Variants in TTC39C observed in about 807,000 individuals in gnomAD.
TTC39C encodes tetratricopeptide repeat protein 39C.
Under a neutral mutation model 76.3 loss-of-function variants are expected in TTC39C, and 33 were observed. The observed-to-expected ratio is 0.43, with a 90% CI of 0.33 to 0.58. TTC39C has a LOEUF of 0.58. Among genes scored for constraint, TTC39C ranks in the 20% least tolerant of loss-of-function variants. TTC39C has a pLI of 0.04. For missense variants in TTC39C, 595 were observed against 701.4 expected, an observed-to-expected ratio of 0.85 and a Z score of 1.71; for synonymous variants, 254 against 260.6, an observed-to-expected ratio of 0.97 and a Z score of 0.24.
intron 1 of TTC39C, among the ~76,000 whole-genome samples, chr18:23,994,053 C>T (rs2083240398): frequency 6.6e-6 from 1 of 151,974 alleles, no homozygotes; most frequent in Non-Finnish European, 1.5e-5. Context: ...AACTGTTATG[C>T]ACATGAATCT....
intron 4 of TTC39C, among the ~76,000 whole-genome samples, chr18:24,073,502 C>T (rs925637288): frequency 2.6e-5 from 4 of 151,396 alleles, no homozygotes; most frequent in East Asian, 1.9e-4. Context: ...CTCCTTTGTA[C>T]AGCATTCCCT....
intron 1 of TTC39C, chr18:24,022,527 T>C (rs566528712): frequency 1.0e-6 from 1 of 983,578 alleles, no homozygotes; most frequent in African/African-American, 1.7e-5. Flanking sequence ...ATGTGCTATC[T>C]ACCTCTCTTA....
intron 6 of TTC39C, among the ~76,000 whole-genome samples, chr18:24,094,672 C>T (rs1181493262): frequency 2.0e-5 from 3 of 152,244 alleles, no homozygotes; most frequent in African/African-American, 7.2e-5. Context: ...CATACATTAT[C>T]AGTAAGCAGC....
In TTC39C at chr18:24,045,909, A is replaced by C. The variant is rs370418955; in HGVS notation, c.168-18231A>C. ...TCTGTGAAAATATATATATATATAT[A>C]TATATATATATATATATATTTTTTT... On this transcript the variant is annotated intron_variant, in intron 1 of 13. Transcript: ENST00000317571. Among the ~76,000 whole-genome samples, 9 of 38,128 alleles carry C rather than the reference A, an allele frequency of 2.4e-4. No homozygotes were observed. The Admixed American group carries it at 2.9e-3, about 12-fold the overall frequency. The allele number at this position is 38,128 out of a possible 152,430, so 25.0% of individuals were successfully genotyped here.
intron 6 of TTC39C, among the ~76,000 whole-genome samples, chr18:24,103,499 C>T (rs1042305929): frequency 6.6e-6 from 1 of 152,186 alleles, no homozygotes; most frequent in African/African-American, 2.4e-5. Context: ...AAACAGCACA[C>T]GTGTGGTCTG....
chr18:24,128,148 ATAG>A (rs1268285820), intron 10 of TTC39C, among the ~76,000 whole-genome samples: 2 of 152,204 alleles, frequency 1.3e-5, no homozygotes, highest in East Asian at 3.8e-4. Flanking sequence ...TGCCTGGCAA[ATAG>A]TAGGCTCTCA....
intron 6 of TTC39C, chr18:24,114,138 G>A (rs1189934747): frequency 7.7e-6 from 2 of 258,430 alleles, no homozygotes; most frequent in African/African-American, 4.5e-5. Flanking sequence ...ACACCTGTGT[G>A]GTAACAAGGG....
chr18:24,018,374 G>A (rs910913298), intron 1 of TTC39C, among the ~76,000 whole-genome samples: 2 of 97,544 alleles, frequency 2.1e-5, no homozygotes, highest in Non-Finnish European at 3.0e-5. Context: ...AGCAGCAGTC[G>A]CTCCCCCTCC....
intron 7 of TTC39C, among the ~76,000 whole-genome samples, chr18:24,117,711 G>T (rs199971557): frequency 8.7e-6 from 1 of 114,916 alleles, no homozygotes; most frequent in South Asian, 2.9e-4. Flanking sequence ...CAAAAAAAAA[G>T]AAAAAAAAAA....
At chr18:24,052,379 C>A (rs1178408136) in intron 1 of TTC39C, among the ~76,000 whole-genome samples, 1 of 152,116 alleles carries the variant, frequency 6.6e-6, no homozygotes, top group Non-Finnish European at 1.5e-5. Context: ...ACTTGGTGTT[C>A]AGCAAACATG....
intron 8 of TTC39C, among the ~76,000 whole-genome samples, chr18:24,118,527 C>G (rs2084924002): frequency 6.6e-6 from 1 of 152,154 alleles, no homozygotes; most frequent in African/African-American, 2.4e-5. Context: ...ATGAGGTCTT[C>G]CCCGTTACTG....
chr18:24,062,012 C>T (rs189137016), intron 1 of TTC39C, among the ~76,000 whole-genome samples: 36 of 152,318 alleles, frequency 2.4e-4, no homozygotes, highest in Non-Finnish European at 5.1e-4. Context: ...TGCATTGTCA[C>T]GTGCCCGATG....
chr18:24,103,942 T>G (rs560438728), intron 6 of TTC39C, among the ~76,000 whole-genome samples: 28 of 149,478 alleles, frequency 1.9e-4, no homozygotes, highest in African/African-American at 2.3e-4. Context: ...TTTTTTTTTT[T>G]TTTGTTTGAG....
At position 23,997,657 on chromosome 18, in the gene TTC39C, A is replaced by AGAAAGAAAGAAG. The variant is rs1555762736; in HGVS notation, c.-17+4630_-17+4631insGGAAAGAAAGAA. Among the ~76,000 whole-genome samples, 259 of 60,240 alleles carry AGAAAGAAAGAAG rather than the reference A, an allele frequency of 4.3e-3. 4 individuals are homozygous for AGAAAGAAAGAAG. The highest frequency in any genetic ancestry group is 0.015 in the African/African-American group (240 of 16,136). The allele number at this position is 60,240 out of a possible 152,430, so 39.5% of individuals were successfully genotyped here. A position where few individuals can be genotyped will look rare whatever the true frequency, so the allele number is the denominator to read the frequency against. ...AGAGGGAGGGAGGAAGGAAGGAGAAAGAAAGAAAGAAAGAAAGAAAGAAAG... is the reference window on the plus strand; with the variant it reads ...AGAGGGAGGGAGGAAGGAAGGAGAAAGAAAGAAAGAAGGAAAGAAAGAAAGAAAGAAAGAAAG... On this transcript the variant is annotated intron_variant, in intron 1 of 13. Transcript: ENST00000304621.
intron 6 of TTC39C, among the ~76,000 whole-genome samples, chr18:24,087,594 T>TTTTTTTTTTTGG (rs1209443978): frequency 1.4e-5 from 2 of 141,488 alleles, no homozygotes; most frequent in Non-Finnish European, 3.1e-5. Flanking sequence ...TTTTTTTTTG[T>TTTTTTTTTTTGG]TTTTTTTTGA....
intron 6 of TTC39C, among the ~76,000 whole-genome samples, chr18:24,099,709 A>G (rs2084653334): frequency 6.6e-6 from 1 of 152,094 alleles, no homozygotes; most frequent in Admixed American, 6.5e-5. Context: ...ACTTAAAGTA[A>G]TTAAACTGCC....
intron 1 of TTC39C, among the ~76,000 whole-genome samples, chr18:24,056,967 G>A (rs1418971107): frequency 6.6e-6 from 1 of 152,074 alleles, no homozygotes; most frequent in Admixed American, 6.5e-5. Context: ...ATAGGTGTGA[G>A]CCATCATGCC....
intron 1 of TTC39C, among the ~76,000 whole-genome samples, chr18:24,057,325 T>A (rs57109775): frequency 0.02 from 3,031 of 152,318 alleles, 83 homozygotes; most frequent in African/African-American, 0.069. Context: ...CTGATTGTTT[T>A]TCTTTTTAAT....
At chr18:24,114,205 C>T (rs2084858961) in intron 6 of TTC39C, 6 of 263,178 alleles carry the variant, frequency 2.3e-5, no homozygotes, top group Middle Eastern at 1.3e-3. Flanking sequence ...TGTGAGAGAA[C>T]GCTGGAGGAG....
Sources: allele counts gnomAD v4.1 joint callset (sites outside exome capture counted in the v4.1 genomes callset), GRCh38; gene constraint gnomAD v4.1.1; transcripts MANE v1.5; gene names NCBI Gene and HGNC (gene_info 2026-07-23, HGNC 2026-07-21).